Variants in RAD54L observed in about 807,000 individuals in gnomAD.
The protein encoded by RAD54L is RAD54 like, also known as DNA repair and recombination protein RAD54-like.
In RAD54L, 74 loss-of-function variants were observed where a neutral mutation model predicts 91.6. The observed-to-expected ratio is 0.81, with a 90% CI of 0.67 to 0.98. The LOEUF (loss-of-function observed/expected upper bound fraction) is 0.98, where lower values mean the gene tolerates loss of function less well. RAD54L is among the 50% of genes least tolerant of loss of function. The probability of loss-of-function intolerance (pLI) is 0.00; values close to 1 mark genes in which losing one functional copy is unlikely to be tolerated. For synonymous variants in RAD54L, 304 were observed against 349.7 expected (o/e 0.87, Z 1.46); for missense variants, 887 against 945.7 (o/e 0.94, Z 0.81).
chr1:46,264,434 A>G (rs1243544181), intron 8 of RAD54L, among the ~76,000 whole-genome samples: 1 of 152,214 alleles, frequency 6.6e-6, no homozygotes, highest in East Asian at 1.9e-4. Flanking sequence ...AATAACTTCT[A>G]TGTACAAAAT....
chr1:46,277,017 G>A (rs1013307427), intron 16 of RAD54L, among the ~76,000 whole-genome samples: 2 of 152,086 alleles, frequency 1.3e-5, no homozygotes, highest in East Asian at 1.9e-4. Flanking sequence ...GGCTGGTCTC[G>A]AACTCCTGAC....
intron 8 of RAD54L, among the ~76,000 whole-genome samples, chr1:46,266,535 AAGT>A (rs1223875050): frequency 6.6e-6 from 1 of 152,222 alleles, no homozygotes; most frequent in East Asian, 1.9e-4. Context: ...GGCTTAAAAG[AAGT>A]AGTAGAGGTG....
chr1:46,260,423 A>G, intron 5 of RAD54L, 119 bp from the exon 6 acceptor site: 1 of 1,080,186 alleles, frequency 9.3e-7, no homozygotes, highest in East Asian at 2.4e-5. Context: ...TTTATCAGCC[A>G]AGAAGGTCTT....
At position 46,274,074 on chromosome 1, in the gene RAD54L, TTTTAA is replaced by T. The variant is rs1409517489; in HGVS notation, c.1611-60_1611-56del. The T allele has an allele frequency of 2.6e-5, 39 of 1,497,392 alleles. No homozygotes were observed. In the Admixed American group the frequency reaches 5.3e-4, roughly 20 times the overall value. The allele number at this position is 1,497,392 out of a possible 1,614,324, so 92.8% of individuals were successfully genotyped here. ...TGGGTCTTTTTAAAAAAATTTTTAT[TTTTAA>T]TTTTTTTTCCCCCTAATCATTGAAG... On this transcript the variant is annotated intron_variant, in intron 14 of 17. Transcript: ENST00000371975.
At chr1:46,264,066 GA>G (rs1275466247) in intron 8 of RAD54L, among the ~76,000 whole-genome samples, 1 of 152,206 alleles carries the variant, frequency 6.6e-6, no homozygotes, top group Non-Finnish European at 1.5e-5. Flanking sequence ...AAAGTGCTGG[GA>G]TTACAGGTTT....
chr1:46,262,839 T>A (rs1434907329), intron 8 of RAD54L, among the ~76,000 whole-genome samples: 1 of 152,154 alleles, frequency 6.6e-6, no homozygotes, highest in African/African-American at 2.4e-5. Flanking sequence ...TGTTTTCCTT[T>A]CACAGGGAAC....
rs771438982 is a variant in RAD54L, at chr1:46,278,181, C to T, written c.2143C>T (p.Leu715Phe). ...GAACCACTGCACTGATAAGTGGGGGCTCCGGGATGAGGTACTCCAGGCTGC... is the reference window on the plus strand; with the variant it reads ...GAACCACTGCACTGATAAGTGGGGGTTCCGGGATGAGGTACTCCAGGCTGC... ...GWNHCTDKWGLRDEVLQAAWD... is the reference protein window; with the variant it reads ...GWNHCTDKWGFRDEVLQAAWD... Residue 715 changes from leucine to phenylalanine, a missense_variant, in exon 18 of 18, where the codon CTC (leucine) becomes TTC (phenylalanine). Transcript: ENST00000371975. 6.2e-7 allele frequency: 1 copy of T among 1,613,796 alleles called. No homozygotes were observed.
chr1:46,259,408 C>A (rs1338499116), intron 4 of RAD54L, among the ~76,000 whole-genome samples: 1 of 152,062 alleles, frequency 6.6e-6, no homozygotes, highest in Non-Finnish European at 1.5e-5. Context: ...TGAAATGAAC[C>A]AGATCTGGCA....
Position 46,273,463 on chromosome 1 carries a change from C to G in RAD54L, c.1484C>G (p.Ser495Ter). 6.2e-7 allele frequency: 1 copy of G among 1,613,108 alleles called. No individual in the cohort carries two copies. The change falls in exon 13 of 18, where the codon TCA becomes TGA. Residue 495 changes from serine to a stop codon, truncating the protein, a stop_gained and splice_region_variant. Coordinates refer to ENST00000371975, the MANE Select transcript of RAD54L (RefSeq NM_003579.4). LOFTEE classifies it high-confidence loss of function. ...YSSKALEPQL[S>*]GKMLVLDYIL... Reference sequence around the variant, plus strand: ...TCTAAGGCCCTGGAGCCCCAGCTGTCAGGTGACCCTTTTCCTACCAGTATT... The same window carrying G: ...TCTAAGGCCCTGGAGCCCCAGCTGTGAGGTGACCCTTTTCCTACCAGTATT...
intron 16 of RAD54L, among the ~76,000 whole-genome samples, chr1:46,274,954 CCTG>C (rs1483715308): frequency 6.6e-6 from 1 of 152,216 alleles, no homozygotes; most frequent in African/African-American, 2.4e-5. Context: ...TCACAGGACA[CCTG>C]CTTCCCTCAT....
chr1:46,260,095 G>T lies in RAD54L; in HGVS notation c.403G>T (p.Asp135Tyr). Reference protein sequence around the residue: ...PLSAHDQLKLDKEKLPVHVVV... With the variant: ...PLSAHDQLKLYKEKLPVHVVV... ...GAGCGCTCATGACCAGCTGAAGCTT[G>T]ACAAGTATGTGCACTGGTATTTCAT... Residue 135 changes from aspartate to tyrosine, a missense_variant, in exon 5 of 18, where the codon GAC (aspartate) becomes TAC (tyrosine). By Grantham distance (160) the Asp-to-Tyr change is radical. Coordinates refer to ENST00000371975, the MANE Select transcript of RAD54L (RefSeq NM_003579.4). 2 of 1,614,222 alleles carry T rather than the reference G, an allele frequency of 1.2e-6. No individual in the cohort carries two copies. Among genetic ancestry groups the T allele is most frequent in the Admixed American group, 3.3e-5 (2 of 60,026 alleles).
chr1:46,252,165 A>C (rs1367363697), intron 3 of RAD54L, among the ~76,000 whole-genome samples: 1 of 152,160 alleles, frequency 6.6e-6, no homozygotes, highest in Non-Finnish European at 1.5e-5. Flanking sequence ...TATTGGAAAG[A>C]CTGGCAGCAA....
intron 3 of RAD54L, among the ~76,000 whole-genome samples, chr1:46,253,493 C>T (rs1315992374): frequency 3.3e-5 from 5 of 151,728 alleles, no homozygotes; most frequent in Admixed American, 6.6e-5. Flanking sequence ...TGGTGGCGGG[C>T]GCCTGTAGTC....
At chr1:46,272,334 C>T (rs1348669541) in intron 10 of RAD54L, 132 bp from the exon 11 acceptor site, 37 of 844,970 alleles carry the variant, frequency 4.4e-5, no homozygotes, top group African/African-American at 1.8e-4. Flanking sequence ...TGAGCCACTG[C>T]GCCTGGCCGA....
chr1:46,267,772 G>T, intron 9 of RAD54L, 163 bp downstream of exon 9: 1 of 993,684 alleles, frequency 1.0e-6, no homozygotes. Context: ...AAGCCATTGG[G>T]AGGCCTTGGA....
rs1660664795 is a variant in RAD54L, at chr1:46,277,928, T to G, written c.1981T>G (p.Leu661Val). The G allele has an allele frequency of 6.2e-7, 1 of 1,613,852 alleles. No homozygotes were observed. The highest frequency in any genetic ancestry group is 1.7e-5 in the Admixed American group (1 of 59,976). ...DVERHFSLGE[L>V]KELFILDEAS... ...AGAGCGCCACTTCTCTCTGGGCGAGTTGAAGGAGCTGTTTATCCTGGATGA... is the reference window on the plus strand; with the variant it reads ...AGAGCGCCACTTCTCTCTGGGCGAGGTGAAGGAGCTGTTTATCCTGGATGA... The change falls in exon 17 of 18, where the codon TTG (leucine) becomes GTG (valine). Residue 661 changes from leucine to valine, a missense_variant. Coordinates refer to ENST00000371975, the MANE Select transcript of RAD54L (RefSeq NM_003579.4).
intron 4 of RAD54L, 67 bp downstream of exon 4, chr1:46,258,813 C>G: frequency 7.8e-7 from 1 of 1,284,328 alleles, no homozygotes; most frequent in Admixed American, 1.7e-5. Context: ...AATTAAAAAC[C>G]TGCTTTTGTA....
chr1:46,261,267 T>C lies in RAD54L; in HGVS notation c.773T>C (p.Phe258Ser). 6.2e-7 allele frequency: 1 copy of C among 1,613,930 alleles called. No homozygotes were observed. Among genetic ancestry groups the C allele is most frequent in the African/African-American group, 1.3e-5 (1 of 74,954 alleles). The change falls in exon 8 of 18, where the codon TTC becomes TCC. Residue 258 changes from phenylalanine (F) to serine (S), a missense_variant. Physicochemically the swap from Phe to Ser is radical, Grantham distance 155. Coordinates refer to ENST00000371975, the MANE Select transcript of RAD54L (RefSeq NM_003579.4). ...TACACCTTTTCTGTTGTAGAAGGAT[T>C]CATGAACCAGCGTGGAGCCAGGGTG... ...KDEIDQKLEG[F>S]MNQRGARVSS...
At chr1:46,257,521 GC>G (rs1659976843) in intron 3 of RAD54L, among the ~76,000 whole-genome samples, 2 of 152,142 alleles carry the variant, frequency 1.3e-5, no homozygotes, top group South Asian at 4.1e-4. Flanking sequence ...CTCTGCCCCT[GC>G]CCCAGCCCCA....
Sources: gnomAD v4.1 joint callset for allele counts (sites outside exome capture counted in the v4.1 genomes callset) on GRCh38, gnomAD v4.1.1 for gene constraint, MANE v1.5 for transcripts, NCBI Gene and HGNC (gene_info 2026-07-23, HGNC 2026-07-21) for gene names.